Variants in AGAP1 observed in about 807,000 individuals in gnomAD.
AGAP1 encodes arf-GAP with GTPase, ANK repeat and PH domain-containing protein 1.
Under a neutral mutation model 105.3 loss-of-function variants are expected in AGAP1, and 29 were observed. That is an observed-to-expected ratio of 0.28 (90% confidence interval 0.21 to 0.38). The LOEUF (loss-of-function observed/expected upper bound fraction) is 0.38, where lower values mean the gene tolerates loss of function less well. Among genes scored for constraint, AGAP1 ranks in the 10% least tolerant of loss-of-function variants. AGAP1 has a pLI of 1.00. For missense variants in AGAP1, 998 were observed against 1,165.1 expected (o/e 0.86, Z 2.09); for synonymous variants, 509 against 485.9 (o/e 1.05, Z -0.63).
chr2:236,127,072 C>T lies in AGAP1; in HGVS notation c.*2950C>T, dbSNP rs1269856223. On this transcript the variant is annotated 3_prime_UTR_variant, in exon 18 of 18. Transcript: ENST00000304032. The surrounding 1 kb of genome is among the most constrained non-coding windows in gnomAD (Gnocchi z 6.6). ...AAACTCTCCCTTGATGAGAAACAGC[C>T]AGCTGAGGGAGGCCCACGAGCGGCC... The T allele has an allele frequency of 6.6e-6, 1 of 152,258 alleles. No homozygotes were observed. The highest frequency in any genetic ancestry group is 1.5e-5 in the Non-Finnish European group (1 of 68,102). 9.4% of individuals were successfully genotyped at this position (152,258 alleles called of 1,614,324 possible).
intron 1 of AGAP1, among the ~76,000 whole-genome samples, chr2:235,640,179 A>AT (rs1947143163): frequency 6.6e-6 from 1 of 152,232 alleles, no homozygotes; most frequent in Admixed American, 6.5e-5. Context: ...TTTCCACTAG[A>AT]TTCCCAGATA....
intron 13 of AGAP1, among the ~76,000 whole-genome samples, chr2:236,025,763 G>A (rs1032234028): frequency 2.0e-5 from 3 of 152,272 alleles, no homozygotes; most frequent in East Asian, 1.9e-4. Context: ...GACGCTGGGC[G>A]TGGTGGCTCA....
intron 11 of AGAP1, among the ~76,000 whole-genome samples, chr2:235,922,862 G>A (rs74339922): frequency 0.011 from 1,654 of 152,280 alleles, 27 homozygotes; most frequent in African/African-American, 0.036. Context: ...ATATGGTGGA[G>A]GTAAGTACCT....
intron 1 of AGAP1, among the ~76,000 whole-genome samples, chr2:235,528,857 A>C (rs1393481138): frequency 2.4e-5 from 3 of 125,888 alleles, no homozygotes; most frequent in Non-Finnish European, 4.9e-5. Flanking sequence ...TTGTATTTTT[A>C]GTACAGATGG....
At chr2:235,832,518 G>A (rs2106347983) in intron 9 of AGAP1, among the ~76,000 whole-genome samples, 1 of 152,284 alleles carries the variant, frequency 6.6e-6, no homozygotes, top group East Asian at 1.9e-4. Context: ...GTTCTTAAAA[G>A]CACTTTTATA....
intron 9 of AGAP1, among the ~76,000 whole-genome samples, chr2:235,858,288 A>T (rs140820753): frequency 3.9e-5 from 6 of 152,386 alleles, no homozygotes; most frequent in African/African-American, 1.4e-4. Flanking sequence ...TAAAAAATGT[A>T]AGAATAATGC....
chr2:235,949,500 GGATCATCATCTTAGTCTC>G (rs2053640513), intron 12 of AGAP1, among the ~76,000 whole-genome samples: 1 of 152,084 alleles, frequency 6.6e-6, no homozygotes, highest in African/African-American at 2.4e-5. Context: ...CCGTGTCTCC[GGATCATCATCTTAGTCTC>G]TTTCTTCACA....
At chr2:236,097,380 C>CTTTTTTTTTTTTTTTTTTTTTTT (rs58882083) in intron 16 of AGAP1, among the ~76,000 whole-genome samples, 2 of 48,648 alleles carry the variant, frequency 4.1e-5, no homozygotes, top group Non-Finnish European at 7.7e-5. Context: ...TCATCCTAAT[C>CTTTTTTTTTTTTTTTTTTTTTTT]TTTTTTTTTT....
At chr2:235,591,037 A>G (rs1945322377) in intron 1 of AGAP1, among the ~76,000 whole-genome samples, 1 of 131,994 alleles carries the variant, frequency 7.6e-6, no homozygotes, top group South Asian at 2.5e-4. Context: ...TAATTTTTTG[A>G]GACAGTCTCG....
chr2:236,049,412 C>A, intron 16 of AGAP1, 131 bp downstream of exon 16: 1 of 786,470 alleles, frequency 1.3e-6, no homozygotes, highest in Non-Finnish European at 2.0e-6. Context: ...CCGATTCATC[C>A]GGCATAGGAA....
rs919987462 is a variant in AGAP1, at chr2:235,843,260, C to A, written c.1050+35929C>A. On this transcript the variant is annotated intron_variant, in intron 9 of 17. Transcript: ENST00000304032. The surrounding 1 kb of genome is among the most constrained non-coding windows in gnomAD (Gnocchi z 5.9). ...GGGAGGACCTGAGCTTCGGCTGCGG[C>A]CTTCCAGCCCCCTGGGTCTCACTGC... 1.3e-5 allele frequency among the ~76,000 whole-genome samples: 2 copies of A among 152,158 alleles called. No individual in the cohort carries two copies. The highest frequency in any genetic ancestry group is 1.3e-4 in the Admixed American group (2 of 15,280).
chr2:235,809,551 T>G (rs1173869762), intron 9 of AGAP1, among the ~76,000 whole-genome samples: 2 of 152,126 alleles, frequency 1.3e-5, no homozygotes, highest in Non-Finnish European at 2.9e-5. Flanking sequence ...CTTGAAGCAG[T>G]TAGATGTGGA....
Position 236,123,972 on chromosome 2 carries a change from C to T in AGAP1, c.2424C>T (p.Tyr808=), listed in dbSNP as rs374042044. Residue 808 remains tyrosine, a synonymous_variant, in exon 18 of 18, where the codon TAC becomes TAT. Coordinates refer to ENST00000304032, the MANE Select transcript of AGAP1 (RefSeq NM_001037131.3). This position sits in a 1 kb window ranked among gnomAD's most constrained non-coding sequence, Gnocchi z 4.6. ...CCCACGGGAACACAGCTCTGGCCTA[C>T]GCCCGGCAGGCCTCCAGCCAGGAGT... The part of the protein sequence containing the change: ...RDAHGNTALA[Y]ARQASSQECI... 2.7e-5 allele frequency: 44 copies of T among 1,613,838 alleles called. No individual in the cohort carries two copies. The Admixed American group carries it at 4.7e-4, about 17-fold the overall frequency.
chr2:235,826,098 T>A (rs1037968526), intron 9 of AGAP1, among the ~76,000 whole-genome samples: 11 of 152,310 alleles, frequency 7.2e-5, no homozygotes, highest in African/African-American at 2.4e-4. Flanking sequence ...CGTGGCGCCA[T>A]GCCCTGTGAT....
intron 9 of AGAP1, among the ~76,000 whole-genome samples, chr2:235,813,638 G>A (rs980808238): frequency 2.6e-5 from 4 of 152,260 alleles, no homozygotes; most frequent in Non-Finnish European, 5.9e-5. Flanking sequence ...AGGGCTGGGC[G>A]TTGACAGCTC....
At chr2:236,079,194 G>GGA (rs1369498681) in intron 16 of AGAP1, among the ~76,000 whole-genome samples, 1 of 152,008 alleles carries the variant, frequency 6.6e-6, no homozygotes, top group Non-Finnish European at 1.5e-5. Flanking sequence ...ACAGCATGAA[G>GGA]GAGAGAGAGA....
Position 236,130,510 on chromosome 2 carries a change from C to T in AGAP1, c.*6388C>T, listed in dbSNP as rs2060068816. On this transcript the variant is annotated 3_prime_UTR_variant, in exon 18 of 18. Transcript: ENST00000304032. The surrounding 1 kb of genome is among the most constrained non-coding windows in gnomAD (Gnocchi z 5.8). ...CTGCCCCTAAATCCAATTAAACCCT[C>T]ATCTCCCTGGTGCTGAACAGTCTAC... is the stretch of plus-strand genomic sequence containing the variant. The T allele has an allele frequency of 6.6e-6, 1 of 152,172 alleles. No homozygotes were observed. Among genetic ancestry groups the T allele is most frequent in the African/African-American group, 2.4e-5 (1 of 41,400 alleles). 9.4% of individuals were successfully genotyped at this position (152,172 alleles called of 1,614,324 possible). A position where few individuals can be genotyped will look rare whatever the true frequency, so the allele number is the denominator to read the frequency against.
intron 16 of AGAP1, among the ~76,000 whole-genome samples, chr2:236,063,595 C>T (rs904142850): frequency 6.6e-6 from 1 of 152,178 alleles, no homozygotes; most frequent in Non-Finnish European, 1.5e-5. Flanking sequence ...CTGGTGATTT[C>T]GACAAGATTA....
In AGAP1 at chr2:235,865,809, A is replaced by C. The variant is rs1397198657; in HGVS notation, c.1051-17536A>C. ...CTTGTGTCTGCTGGTCACATTTTCTAGTCATCTCCTTTTACCAAAATTTAC... is the reference window on the plus strand; with the variant it reads ...CTTGTGTCTGCTGGTCACATTTTCTCGTCATCTCCTTTTACCAAAATTTAC... On this transcript the variant is annotated intron_variant, in intron 9 of 17. Coordinates refer to ENST00000304032, the MANE Select transcript of AGAP1 (RefSeq NM_001037131.3). This position sits in a 1 kb window ranked among gnomAD's most constrained non-coding sequence, Gnocchi z 6.2. Among the ~76,000 whole-genome samples the C allele has an allele frequency of 6.6e-6, 1 of 152,232 alleles. No individual in the cohort carries two copies. The highest frequency in any genetic ancestry group is 2.1e-4 in the South Asian group (1 of 4,834).
Sources: allele counts gnomAD v4.1 joint callset (sites outside exome capture counted in the v4.1 genomes callset), GRCh38; gene constraint gnomAD v4.1.1; non-coding constraint Gnocchi (gnomAD v3.1); transcripts MANE v1.5; gene names NCBI Gene and HGNC (gene_info 2026-07-23, HGNC 2026-07-21).